Variants in LANCL1 observed in about 807,000 individuals in gnomAD.
LANCL1 encodes LanC like glutathione S-transferase 1.
Under a neutral mutation model 50.6 loss-of-function variants are expected in LANCL1, and 50 were observed. That is an observed-to-expected ratio of 0.99 (90% confidence interval 0.79 to 1.25). The LOEUF (loss-of-function observed/expected upper bound fraction) is 1.25, where lower values mean the gene tolerates loss of function less well. Ranked by LOEUF, LANCL1 falls within the 50% of genes most tolerant of loss-of-function variation. The pLI, the probability that LANCL1 is intolerant of heterozygous loss-of-function variation, is 0.00. For synonymous variants in LANCL1, 188 were observed against 178.6 expected, an observed-to-expected ratio of 1.05 and a Z score of -0.42; for missense variants, 532 against 480.7, an observed-to-expected ratio of 1.11 and a Z score of -1.00.
At chr2:210,446,965 A>G (rs1168248182) in intron 4 of LANCL1, among the ~76,000 whole-genome samples, 1 of 152,196 alleles carries the variant, frequency 6.6e-6, no homozygotes, top group Non-Finnish European at 1.5e-5. Context: ...TCACATTCAC[A>G]TTCAGGAACA....
At chr2:210,469,593 C>CATAT (rs1694164764) in intron 3 of LANCL1, among the ~76,000 whole-genome samples, 1 of 152,118 alleles carries the variant, frequency 6.6e-6, no homozygotes, top group Non-Finnish European at 1.5e-5. Context: ...AGATGCTTGC[C>CATAT]ATATAAGCTG....
chr2:210,440,744 T>C lies in LANCL1; in HGVS notation c.544A>G (p.Ile182Val), dbSNP rs1559707735. 6.2e-7 allele frequency: 1 copy of C among 1,611,966 alleles called. No individual in the cohort carries two copies. The highest frequency in any genetic ancestry group is 8.5e-7 in the Non-Finnish European group (1 of 1,179,254). ...EKIPQSHIQQICETILTSGEN... is the reference protein window; with the variant it reads ...EKIPQSHIQQVCETILTSGEN... Reference sequence around the variant, plus strand: ...CCAGAGGTTAAAATTGTTTCACAAATCTACAGGGAGAAAACCAACCAAAAT... The same window carrying C: ...CCAGAGGTTAAAATTGTTTCACAAACCTACAGGGAGAAAACCAACCAAAAT... Residue 182 changes from isoleucine (I) to valine (V), a missense_variant and splice_region_variant, in exon 6 of 10, where the codon ATT becomes GTT. By Grantham distance (29) the Ile-to-Val change is conservative. Coordinates refer to ENST00000450366, the MANE Select transcript of LANCL1 (RefSeq NM_006055.3).
At chr2:210,437,317 T>C (rs1195061273) in intron 7 of LANCL1, among the ~76,000 whole-genome samples, 4 of 152,232 alleles carry the variant, frequency 2.6e-5, no homozygotes, top group Non-Finnish European at 5.9e-5. Flanking sequence ...CCATTGTATA[T>C]ATGACATTTT....
chr2:210,436,039 T>G (rs777767674), intron 8 of LANCL1, among the ~76,000 whole-genome samples, 177 bp downstream of exon 8: 2 of 151,788 alleles, frequency 1.3e-5, no homozygotes, highest in African/African-American at 4.8e-5. Context: ...GTAGCTGGGA[T>G]TATAGGCGCC....
At chr2:210,470,310 AAAC>A (rs1258404793) in intron 3 of LANCL1, among the ~76,000 whole-genome samples, 7 of 152,200 alleles carry the variant, frequency 4.6e-5, no homozygotes, top group Admixed American at 2.6e-4. Context: ...AAAAATGATA[AAAC>A]AATAAAATGG....
At chr2:210,452,986 C>G (rs1693555524) in intron 4 of LANCL1, among the ~76,000 whole-genome samples, 1 of 151,942 alleles carries the variant, frequency 6.6e-6, no homozygotes, top group Non-Finnish European at 1.5e-5. Context: ...GAAATTAAGT[C>G]AAATTTCTAG....
chr2:210,463,042 C>G (rs1461811571), intron 3 of LANCL1, among the ~76,000 whole-genome samples: 2 of 152,090 alleles, frequency 1.3e-5, no homozygotes, highest in African/African-American at 2.4e-5. Context: ...CACATATACA[C>G]ACATGCTCAT....
intron 4 of LANCL1, among the ~76,000 whole-genome samples, chr2:210,446,863 C>G (rs1693351065): frequency 6.6e-6 from 1 of 152,044 alleles, no homozygotes; most frequent in Non-Finnish European, 1.5e-5. Context: ...GTGAAAAGAT[C>G]AAACCTACAT....
At chr2:210,472,152 G>A in intron 2 of LANCL1, 76 bp from the exon 3 acceptor site, 2 of 960,310 alleles carry the variant, frequency 2.1e-6, no homozygotes, top group Non-Finnish European at 1.7e-6. Flanking sequence ...ATCAAAGACA[G>A]AAAGGTATTT....
At chr2:210,477,274 C>T (rs1694416659), upstream of LANCL1, among the ~76,000 whole-genome samples, 2 of 152,148 alleles carry the variant, frequency 1.3e-5, no homozygotes, top group Admixed American at 1.3e-4. Context: ...ACACAAATTA[C>T]AGCTCTTAGG....
chr2:210,469,058 T>C (rs1477262519), intron 3 of LANCL1: 8 of 152,234 alleles, frequency 5.3e-5, no homozygotes, highest in Admixed American at 4.6e-4. Flanking sequence ...TTTCTCATGC[T>C]GAACAAAGTT....
rs1415762856 is a variant in LANCL1, at chr2:210,433,838, CTT to C, written c.*647_*648del. 3.9e-5 allele frequency: 6 copies of C among 152,114 alleles called. No homozygotes were observed. Among genetic ancestry groups the C allele is most frequent in the Non-Finnish European group, 2.9e-5 (2 of 68,016 alleles). The allele number at this position is 152,114 out of a possible 1,614,324, so 9.4% of individuals were successfully genotyped here. A position where few individuals can be genotyped will look rare whatever the true frequency, so the allele number is the denominator to read the frequency against. ...ATAAGTTTTTGATTAAAAATGTTGG[CTT>C]CTGAAGGCTGTATGCCTTACCGACA... On this transcript the variant is annotated 3_prime_UTR_variant, in exon 10 of 10. Coordinates refer to ENST00000450366, the MANE Select transcript of LANCL1 (RefSeq NM_006055.3).
chr2:210,441,585 C>T (rs763287081), intron 4 of LANCL1, 142 bp from the exon 5 acceptor site: 31 of 601,904 alleles, frequency 5.2e-5, no homozygotes, highest in Non-Finnish European at 6.7e-5. Context: ...AGAACAGTCA[C>T]GGTTCACAGA....
chr2:210,456,930 T>C (rs1156295516), intron 3 of LANCL1, among the ~76,000 whole-genome samples: 3 of 152,226 alleles, frequency 2.0e-5, no homozygotes, highest in African/African-American at 7.2e-5. Context: ...ATTGTAAGAT[T>C]TGGTGTATTT....
At chr2:210,471,310 G>A (rs1010167952) in intron 3 of LANCL1, among the ~76,000 whole-genome samples, 5 of 151,982 alleles carry the variant, frequency 3.3e-5, no homozygotes, top group African/African-American at 9.7e-5. Context: ...CTCCCAAAGT[G>A]CTGGGATTAC....
chr2:210,450,554 T>A (rs1233323548), intron 4 of LANCL1, among the ~76,000 whole-genome samples: 1 of 152,092 alleles, frequency 6.6e-6, no homozygotes, highest in Non-Finnish European at 1.5e-5. Context: ...AGAGTGAACA[T>A]GCAACCTATA....
chr2:210,455,265 G>A lies in LANCL1; in HGVS notation c.249C>T (p.Ala83=). The A allele has an allele frequency of 6.2e-7, 1 of 1,611,864 alleles. No homozygotes were observed. Among genetic ancestry groups the A allele is most frequent in the Non-Finnish European group, 8.5e-7 (1 of 1,179,624 alleles). Residue 83 remains alanine, a synonymous_variant, in exon 4 of 10, where the codon GCC becomes GCT. Coordinates refer to ENST00000450366, the MANE Select transcript of LANCL1 (RefSeq NM_006055.3). ...CATAGCCATGTGCTAACTGTAGGTAGGCAGGGTCCCCAAATACATCATAAA... is the reference window on the plus strand; with the variant it reads ...CATAGCCATGTGCTAACTGTAGGTAAGCAGGGTCCCCAAATACATCATAAA... The part of the protein sequence containing the change: ...LHLYDVFGDP[A]YLQLAHGYVK...
intron 5 of LANCL1, 41 bp downstream of exon 5, chr2:210,441,267 G>A: frequency 6.3e-7 from 1 of 1,589,850 alleles, no homozygotes; most frequent in South Asian, 1.1e-5. Flanking sequence ...GTAAGTAAAT[G>A]GGATCCTAAA....
intron 3 of LANCL1, among the ~76,000 whole-genome samples, chr2:210,471,037 C>CGATTTTTTTTTTTTTTTT (rs1559722955): frequency 7.0e-6 from 1 of 142,056 alleles, no homozygotes. Flanking sequence ...AACTTTTCTT[C>CGATTTTTTTTTTTTTTTT]TTTGATTTTT....
Sources: allele counts gnomAD v4.1 joint callset (sites outside exome capture counted in the v4.1 genomes callset), GRCh38; gene constraint gnomAD v4.1.1; transcripts MANE v1.5; gene names NCBI Gene and HGNC (gene_info 2026-07-23, HGNC 2026-07-21).